NRXN1: variants seen among roughly 807,000 people sequenced by gnomAD.
NRXN1 encodes neurexin-1.
NRXN1 carries 39 observed loss-of-function variants against 150.9 expected under a neutral mutation model. The ratio of observed to expected loss-of-function variants is 0.26; its 90% CI spans 0.20 to 0.34. The LOEUF (loss-of-function observed/expected upper bound fraction) is 0.34. Among genes scored for constraint, NRXN1 ranks in the 10% least tolerant of loss-of-function variants. NRXN1 has a pLI of 1.00. For missense variants in NRXN1, 1,815 were observed against 1,949.9 expected, an observed-to-expected ratio of 0.93 and a Z score of 1.30; for synonymous variants, 924 against 757.0, an observed-to-expected ratio of 1.22 and a Z score of -3.62.
chr2:49,920,914 A>G lies in NRXN1; in HGVS notation c.*1030T>C, dbSNP rs199720734. 5 of 152,738 alleles carry G rather than the reference A, an allele frequency of 3.3e-5. No individual in the cohort carries two copies. Among genetic ancestry groups the G allele is most frequent in the African/African-American group, 7.2e-5 (3 of 41,572 alleles). The allele number at this position is 152,738 out of a possible 1,614,324, so 9.5% of individuals were successfully genotyped here. A position where few individuals can be genotyped will look rare whatever the true frequency, so the allele number is the denominator to read the frequency against. On this transcript the variant is annotated 3_prime_UTR_variant, in exon 23 of 23. Coordinates refer to ENST00000401669, the MANE Select transcript of NRXN1 (RefSeq NM_001330078.2). Reference sequence around the variant, plus strand: ...AAAAGAAGTAGCTGAGTCTTTGTATATACATTCATACATATCTTCCTTAGA... The same window carrying G: ...AAAAGAAGTAGCTGAGTCTTTGTATGTACATTCATACATATCTTCCTTAGA...
intron 7 of NRXN1, 87 bp downstream of exon 7, chr2:50,621,139 C>G: frequency 8.4e-7 from 1 of 1,188,138 alleles, no homozygotes; most frequent in Admixed American, 2.3e-5. Context: ...ATGATGTCTA[C>G]AGTTAAAAGA....
chr2:50,411,962 T>C (rs980427723), intron 17 of NRXN1, among the ~76,000 whole-genome samples: 1 of 152,212 alleles, frequency 6.6e-6, no homozygotes, highest in African/African-American at 2.4e-5. Flanking sequence ...CATTTTGTTC[T>C]GTACTAAGAA....
At chr2:50,111,596 C>A (rs888808649) in intron 18 of NRXN1, among the ~76,000 whole-genome samples, 1 of 151,738 alleles carries the variant, frequency 6.6e-6, no homozygotes, top group African/African-American at 2.4e-5. Context: ...CCAAGATCGC[C>A]CCACTGAATT....
chr2:50,430,932 A>C (rs1186437443), intron 17 of NRXN1, among the ~76,000 whole-genome samples: 1 of 152,166 alleles, frequency 6.6e-6, no homozygotes, highest in Non-Finnish European at 1.5e-5. Flanking sequence ...CAGAAAATAC[A>C]CTAATGCCTC....
intron 17 of NRXN1, among the ~76,000 whole-genome samples, chr2:50,278,124 A>G (rs527627690): frequency 7.7e-6 from 1 of 129,628 alleles, no homozygotes; most frequent in Admixed American, 8.8e-5. Context: ...GCTGGAGGGC[A>G]GTGGCAGGAT....
chr2:50,804,604 T>C (rs17041042), intron 5 of NRXN1, among the ~76,000 whole-genome samples: 1 of 151,928 alleles, frequency 6.6e-6, no homozygotes, highest in Non-Finnish European at 1.5e-5. Context: ...TGAATACAGT[T>C]AACACTGTGC....
At chr2:50,834,051 G>C (rs899180779) in intron 5 of NRXN1, among the ~76,000 whole-genome samples, 5 of 152,050 alleles carry the variant, frequency 3.3e-5, no homozygotes, top group Admixed American at 6.6e-5. Context: ...AATACTTAAT[G>C]TAAAACTAGT....
chr2:50,679,601 A>C (rs1690066169), intron 5 of NRXN1, among the ~76,000 whole-genome samples: 1 of 152,140 alleles, frequency 6.6e-6, no homozygotes, highest in Non-Finnish European at 1.5e-5. Context: ...CATTGATGAC[A>C]GTAAGACCCT....
At chr2:50,529,442 A>C (rs1417247708) in intron 11 of NRXN1, among the ~76,000 whole-genome samples, 1 of 152,220 alleles carries the variant, frequency 6.6e-6, no homozygotes, top group Non-Finnish European at 1.5e-5. Context: ...AGCTACTATA[A>C]GAACAGAACG....
At position 50,500,381 on chromosome 2, in the gene NRXN1, T is replaced by A. The variant is rs147877880; in HGVS notation, c.2498-2667A>T. 2.9e-3 allele frequency among the ~76,000 whole-genome samples: 448 copies of A among 152,264 alleles called. 1 individual carries two copies. Among genetic ancestry groups the A allele is most frequent in the African/African-American group, 0.01 (428 of 41,542 alleles). ...AATATAATTACAGTGATGGTAGATA[T>A]ATTTGTTCACTGGGGAGAATTAGCC... On this transcript the variant is annotated intron_variant, in intron 13 of 22. Coordinates refer to ENST00000401669, the MANE Select transcript of NRXN1 (RefSeq NM_001330078.2).
At chr2:50,255,771 G>A (rs1183697624) in intron 17 of NRXN1, among the ~76,000 whole-genome samples, 1 of 152,084 alleles carries the variant, frequency 6.6e-6, no homozygotes, top group African/African-American at 2.4e-5. Context: ...TGTTTTCAAA[G>A]TCATTTAAAT....
At chr2:50,464,980 G>A (rs1283093869) in intron 17 of NRXN1, among the ~76,000 whole-genome samples, 2 of 151,770 alleles carry the variant, frequency 1.3e-5, no homozygotes, top group East Asian at 3.9e-4. Context: ...GACAATGTTT[G>A]AACATATTTT....
At chr2:50,638,414 C>G (rs1683549598) in intron 5 of NRXN1, among the ~76,000 whole-genome samples, 1 of 152,090 alleles carries the variant, frequency 6.6e-6, no homozygotes, top group Admixed American at 6.6e-5. Context: ...CAACAAATAG[C>G]ACAAAATACA....
intron 18 of NRXN1, among the ~76,000 whole-genome samples, chr2:50,215,923 T>C (rs2063363424): frequency 6.6e-6 from 1 of 152,066 alleles, no homozygotes; most frequent in South Asian, 2.1e-4. Context: ...TTTCAGCTGA[T>C]TTCACAACTG....
chr2:50,444,848 T>G (rs1440910615), intron 17 of NRXN1, among the ~76,000 whole-genome samples: 2 of 152,284 alleles, frequency 1.3e-5, no homozygotes, highest in East Asian at 3.9e-4. Context: ...ATTTTTCACA[T>G]TTTGTTCATC....
At chr2:49,993,134 A>T (rs994978903) in intron 21 of NRXN1, among the ~76,000 whole-genome samples, 1 of 152,202 alleles carries the variant, frequency 6.6e-6, no homozygotes, top group African/African-American at 2.4e-5. Flanking sequence ...CTTTATTTAT[A>T]ATTGCCAAAA....
intron 5 of NRXN1, among the ~76,000 whole-genome samples, chr2:50,747,339 A>G (rs1418166808): frequency 1.3e-5 from 2 of 152,140 alleles, no homozygotes; most frequent in Non-Finnish European, 1.5e-5. Context: ...GGGAGGTCAG[A>G]AAGGAGGAAG....
intron 18 of NRXN1, among the ~76,000 whole-genome samples, chr2:50,231,286 A>G (rs988027946): frequency 1.3e-5 from 2 of 152,090 alleles, no homozygotes; most frequent in African/African-American, 4.8e-5. Context: ...GTGTGCATCT[A>G]TGTATAATTA....
chr2:50,040,839 G>A (rs939869557), intron 21 of NRXN1, among the ~76,000 whole-genome samples: 1 of 151,876 alleles, frequency 6.6e-6, no homozygotes, highest in Admixed American at 6.6e-5. Flanking sequence ...TAAATATATT[G>A]TATTTTCTTT....
Sources: gnomAD v4.1 joint callset for allele counts (sites outside exome capture counted in the v4.1 genomes callset) on GRCh38, gnomAD v4.1.1 for gene constraint, MANE v1.5 for transcripts, NCBI Gene and HGNC (gene_info 2026-07-23, HGNC 2026-07-21) for gene names.